CPXM2: variants seen among roughly 807,000 people sequenced by gnomAD.
The protein encoded by CPXM2 is carboxypeptidase X, M14 family member 2.
In CPXM2, 66 loss-of-function variants were observed where a neutral mutation model predicts 86.1. That is an observed-to-expected ratio of 0.77 (90% confidence interval 0.63 to 0.94). The LOEUF (loss-of-function observed/expected upper bound fraction) is 0.94, where lower values mean the gene tolerates loss of function less well. CPXM2 is among the 40% of genes least tolerant of loss of function. CPXM2 has a pLI of 0.00. For synonymous variants in CPXM2, 388 were observed against 400.2 expected (o/e 0.97, Z 0.36); for missense variants, 948 against 1,026.3 (o/e 0.92, Z 1.04).
chr10:123,798,232 A>T, intron 5 of CPXM2, 106 bp from the exon 6 acceptor site: 2 of 907,872 alleles, frequency 2.2e-6, no homozygotes, highest in Non-Finnish European at 3.2e-6. Context: ...GGAAAACCTA[A>T]TGTGTGCTGT....
intron 2 of CPXM2, among the ~76,000 whole-genome samples, chr10:123,927,612 A>G (rs1228355791): frequency 6.6e-6 from 1 of 152,232 alleles, no homozygotes; most frequent in African/African-American, 2.4e-5. Context: ...TCTGGAGTCC[A>G]GGTGCTTACC....
intron 4 of CPXM2, among the ~76,000 whole-genome samples, chr10:123,815,503 T>C (rs1402546577): frequency 6.6e-6 from 1 of 152,202 alleles, no homozygotes; most frequent in Non-Finnish European, 1.5e-5. Context: ...TTGTAAACTC[T>C]GATGAACCTT....
intron 3 of CPXM2, among the ~76,000 whole-genome samples, chr10:123,855,192 T>C (rs1848693964): frequency 6.6e-6 from 1 of 152,062 alleles, no homozygotes; most frequent in Non-Finnish European, 1.5e-5. Flanking sequence ...TCCCAGACTG[T>C]TTGCTTGAAG....
chr10:123,901,918 GC>G (rs1305947715), intron 2 of CPXM2, among the ~76,000 whole-genome samples: 1 of 152,252 alleles, frequency 6.6e-6, no homozygotes, highest in South Asian at 2.1e-4. Context: ...GGTAAGCGGG[GC>G]TGAATTTTTC....
At chr10:123,916,313 G>A (rs913504101) in intron 2 of CPXM2, among the ~76,000 whole-genome samples, 32 of 152,132 alleles carry the variant, frequency 2.1e-4, no homozygotes, top group African/African-American at 6.8e-4. Flanking sequence ...GGAGCCCTGG[G>A]ATAGAGAAGC....
intron 2 of CPXM2, among the ~76,000 whole-genome samples, chr10:123,910,383 C>T (rs1169824468): frequency 6.6e-6 from 1 of 152,122 alleles, no homozygotes; most frequent in Non-Finnish European, 1.5e-5. Context: ...CGGACAGAAC[C>T]CTTTCATGTC....
At chr10:123,749,452 C>G (rs1225017829) in intron 13 of CPXM2, among the ~76,000 whole-genome samples, 1 of 152,218 alleles carries the variant, frequency 6.6e-6, no homozygotes, top group African/African-American at 2.4e-5. Context: ...CTCCCTGCCC[C>G]CTCCCTAGTC....
At position 123,768,526 on chromosome 10, in the gene CPXM2, C is replaced by G. The variant is rs771228059; in HGVS notation, c.1299G>C (p.Gly433=). ...GGGTGAGATGGGCCAGGGCCATTAC[C>G]CCTTCGTAGGCCTTCTCGTAGCCAT... ...NPDGYEKAYE[G]GSELGGWSLG... The change falls in exon 9 of 14, where the codon GGG becomes GGC. Residue 433 remains glycine (G), a splice_region_variant and synonymous_variant. Coordinates refer to ENST00000241305, the MANE Select transcript of CPXM2 (RefSeq NM_198148.3). 6.2e-7 allele frequency: 1 copy of G among 1,610,954 alleles called. No homozygotes were observed. The highest frequency in any genetic ancestry group is 8.5e-7 in the Non-Finnish European group (1 of 1,178,158).
rs1333547797 is a variant in CPXM2 at position 123,762,108 on chromosome 10, C to A, written c.1541G>T (p.Gly514Val). Residue 514 changes from glycine to valine, a missense_variant, in exon 11 of 14, where the codon GGC becomes GTC. By Grantham distance (109) the Gly-to-Val change is moderately radical (BLOSUM62 -3). Coordinates refer to ENST00000241305, the MANE Select transcript of CPXM2 (RefSeq NM_198148.3). Reference sequence around the variant, plus strand: ...CACCAGCTCGCCGCCCTGCAGGTTGCCGCCCAGCACAAAAGGGATTTTTTC... The same window carrying A: ...CACCAGCTCGCCGCCCTGCAGGTTGACGCCCAGCACAAAAGGGATTTTTTC... The part of the protein sequence containing the change: ...WMEKIPFVLG[G>V]NLQGGELVVA... 6.2e-7 allele frequency: 1 copy of A among 1,614,158 alleles called. No individual in the cohort carries two copies. Among genetic ancestry groups the A allele is most frequent in the South Asian group, 1.1e-5 (1 of 91,080 alleles).
At chr10:123,819,357 C>T (rs957601316) in intron 4 of CPXM2, among the ~76,000 whole-genome samples, 1 of 152,080 alleles carries the variant, frequency 6.6e-6, no homozygotes, top group Non-Finnish European at 1.5e-5. Flanking sequence ...GGTCACTCCA[C>T]CAGGAAAAAA....
At chr10:123,929,344 A>T (rs1480636102) in intron 2 of CPXM2, among the ~76,000 whole-genome samples, 1 of 152,202 alleles carries the variant, frequency 6.6e-6, no homozygotes, top group Non-Finnish European at 1.5e-5. Flanking sequence ...CTTCCCCTGG[A>T]GTGAATGAGG....
At chr10:123,914,528 C>T (rs566492328) in intron 2 of CPXM2, among the ~76,000 whole-genome samples, 1 of 152,244 alleles carries the variant, frequency 6.6e-6, no homozygotes, top group South Asian at 2.1e-4. Flanking sequence ...CCTCCAGGTC[C>T]CAAACTTCAC....
At chr10:123,787,750 G>A (rs1847097422) in intron 6 of CPXM2, among the ~76,000 whole-genome samples, 1 of 151,888 alleles carries the variant, frequency 6.6e-6, no homozygotes, top group Non-Finnish European at 1.5e-5. Flanking sequence ...CCTTTTTTGG[G>A]AAGGTGGCTC....
rs143605725 is a variant in CPXM2, at chr10:123,873,251, T to C, written c.403+6960A>G. Among the ~76,000 whole-genome samples, 17 of 146,794 alleles carry C rather than the reference T, an allele frequency of 1.2e-4. No individual in the cohort carries two copies. In the East Asian group the frequency reaches 3.6e-3, roughly 31 times the overall value. ...TAACTATACACCTGTAGTCTACCAA[T>C]AAAGAGTAGAAAATTGAAATTAAAA... On this transcript the variant is annotated intron_variant, in intron 2 of 13. Transcript: ENST00000241305.
At chr10:123,887,385 G>A (rs1366055096) in intron 1 of CPXM2, among the ~76,000 whole-genome samples, 1 of 152,226 alleles carries the variant, frequency 6.6e-6, no homozygotes, top group Non-Finnish European at 1.5e-5. Context: ...TATCCTGACA[G>A]TGGTGGTGGT....
chr10:123,804,023 C>T (rs553593833), intron 4 of CPXM2, among the ~76,000 whole-genome samples: 1 of 152,220 alleles, frequency 6.6e-6, no homozygotes, highest in East Asian at 1.9e-4. Context: ...TGGTTATTTT[C>T]CTATTGCACC....
chr10:123,758,544 C>A (rs1846266544), intron 11 of CPXM2, among the ~76,000 whole-genome samples: 1 of 152,162 alleles, frequency 6.6e-6, no homozygotes, highest in Non-Finnish European at 1.5e-5. Context: ...TATAATGATA[C>A]CTGCCAAAAC....
intron 13 of CPXM2, among the ~76,000 whole-genome samples, chr10:123,749,599 C>T (rs1846032063): frequency 6.6e-6 from 1 of 152,124 alleles, no homozygotes; most frequent in South Asian, 2.1e-4. Context: ...CAGTTCCTGC[C>T]CTCCCCTATT....
At chr10:123,809,701 G>A (rs1847651728) in intron 4 of CPXM2, among the ~76,000 whole-genome samples, 1 of 140,154 alleles carries the variant, frequency 7.1e-6, no homozygotes, top group African/African-American at 2.5e-5. Context: ...AGACACATAG[G>A]TATCCTATTA....
Sources: gnomAD v4.1 joint callset for allele counts (sites outside exome capture counted in the v4.1 genomes callset) on GRCh38, gnomAD v4.1.1 for gene constraint, MANE v1.5 for transcripts, NCBI Gene and HGNC (gene_info 2026-07-23, HGNC 2026-07-21) for gene names.